The following RPL37 variants were observed in gnomAD, a reference collection of about 807,000 sequenced individuals.
RPL37 encodes large ribosomal subunit protein eL37.
RPL37 carries 1 observed loss-of-function variant against 14.8 expected under a neutral mutation model. The observed-to-expected ratio is 0.07, with a 90% confidence interval of 0.02 to 0.32. The LOEUF is 0.32. RPL37 is among the 10% of genes least tolerant of loss of function. RPL37 has a pLI of 1.00. For missense variants in RPL37, 100 were observed against 128.3 expected, an observed-to-expected ratio of 0.78 and a Z score of 1.06; for synonymous variants, 53 against 45.8, an observed-to-expected ratio of 1.16 and a Z score of -0.63.
At position 40,828,489 on chromosome 5, in the gene RPL37, A is replaced by G. The variant is rs1010149800; in HGVS notation, c.*4015T>C. 2.0e-5 allele frequency: 3 copies of G among 152,176 alleles called. No homozygotes were observed. Among genetic ancestry groups the G allele is most frequent in the African/African-American group, 7.2e-5 (3 of 41,442 alleles). 9.4% of individuals were successfully genotyped at this position (152,176 alleles called of 1,614,324 possible). On this transcript the variant is annotated 3_prime_UTR_variant, in exon 4 of 4. Coordinates refer to ENST00000274242, the MANE Select transcript of RPL37 (RefSeq NM_000997.5). The stretch of plus-strand genomic sequence containing the variant: ...ACCATTTAGTCAATAAAAGGGAACC[A>G]CAGAATAGGTAAACTTCCAAAAGTA...
At chr5:40,834,690 A>G in intron 1 of RPL37, 84 bp from the exon 2 acceptor site, 1 of 1,449,066 alleles carries the variant, frequency 6.9e-7, no homozygotes, top group Non-Finnish European at 9.3e-7. Context: ...TTACTGATAA[A>G]ATTTAAAGGC....
chr5:40,829,314 T>C lies in RPL37; in HGVS notation c.*3190A>G, dbSNP rs1448860407. On this transcript the variant is annotated 3_prime_UTR_variant, in exon 4 of 4. Coordinates refer to ENST00000274242, the MANE Select transcript of RPL37 (RefSeq NM_000997.5). The stretch of plus-strand genomic sequence containing the variant: ...CACACTAACACTTTCCACATTCATC[T>C]TGCTAGAATAACTATTCCTAACATT... 2.0e-5 allele frequency: 3 copies of C among 152,236 alleles called. No homozygotes were observed. The highest frequency in any genetic ancestry group is 7.2e-5 in the African/African-American group (3 of 41,460). 9.4% of individuals were successfully genotyped at this position (152,236 alleles called of 1,614,324 possible).
At position 40,829,685 on chromosome 5, in the gene RPL37, A is replaced by G. The variant is rs1328622337; in HGVS notation, c.*2819T>C. On this transcript the variant is annotated 3_prime_UTR_variant, in exon 4 of 4. Coordinates refer to ENST00000274242, the MANE Select transcript of RPL37 (RefSeq NM_000997.5). ...AGTGTGTGTGTGTGTGTGTATATAT[A>G]TATATATATATATCAACAATATATA... is the stretch of plus-strand genomic sequence containing the variant. 5 of 151,674 alleles carry G rather than the reference A, an allele frequency of 3.3e-5. No individual in the cohort carries two copies. Among genetic ancestry groups the G allele is most frequent in the African/African-American group, 4.8e-5 (2 of 41,260 alleles). 9.4% of individuals were successfully genotyped at this position (151,674 alleles called of 1,614,324 possible). A position where few individuals can be genotyped will look rare whatever the true frequency, so the allele number is the denominator to read the frequency against.
At position 40,834,228 on chromosome 5, in the gene RPL37, G is replaced by A. The variant is rs757839130; in HGVS notation, c.177C>T (p.Thr59=). ...TTAGGTGCCTCATTCGACCAGTTCCGGTGGTATTTCGTCTTTTAGCCTTGG... is the reference window on the plus strand; with the variant it reads ...TTAGGTGCCTCATTCGACCAGTTCCAGTGGTATTTCGTCTTTTAGCCTTGG... ...WSAKAKRRNT[T]GTGRMRHLKI... The change falls in exon 3 of 4, where the codon ACC becomes ACT. Residue 59 remains threonine (T), a synonymous_variant. Coordinates refer to ENST00000274242, the MANE Select transcript of RPL37 (RefSeq NM_000997.5). 1.2e-6 allele frequency: 2 copies of A among 1,614,022 alleles called. No individual in the cohort carries two copies. The highest frequency in any genetic ancestry group is 1.7e-5 in the Admixed American group (1 of 60,016).
Position 40,835,166 on chromosome 5 carries a change from C to G in RPL37, c.3+17G>C. On this transcript the variant is annotated intron_variant, in intron 1 of 3. Transcript: ENST00000274242. ...GAGGATGGAACGCGATTCACAAACA[C>G]CACAGTCACAACTCACCATCTCGCT... 6.2e-7 allele frequency: 1 copy of G among 1,614,124 alleles called. No homozygotes were observed. Among genetic ancestry groups the G allele is most frequent in the Non-Finnish European group, 8.5e-7 (1 of 1,180,024 alleles).
In RPL37 at chr5:40,835,166, CCA is replaced by C. The variant is rs760010130; in HGVS notation, c.3+15_3+16del. ...GAGGATGGAACGCGATTCACAAACA[CCA>C]CAGTCACAACTCACCATCTCGCTTC... is the stretch of plus-strand genomic sequence containing the variant. On this transcript the variant is annotated intron_variant, in intron 1 of 3. Transcript: ENST00000274242. The C allele has an allele frequency of 1.7e-5, 27 of 1,614,006 alleles. No individual in the cohort carries two copies. The African/African-American group carries it at 2.9e-4, about 18-fold the overall frequency.
Position 40,832,167 on chromosome 5 carries a change from C to T in RPL37, c.*337G>A, listed in dbSNP as rs1745654408. 1 of 272,416 alleles carries T rather than the reference C, an allele frequency of 3.7e-6. No individual in the cohort carries two copies. The highest frequency in any genetic ancestry group is 4.5e-5 in the Admixed American group (1 of 22,134). The allele number at this position is 272,416 out of a possible 1,614,324, so 16.9% of individuals were successfully genotyped here. ...TGCTAAAGGTAATTTAAACATCATA[C>T]TCTTTCAAATTTACTCAAACATCTA... On this transcript the variant is annotated 3_prime_UTR_variant, in exon 4 of 4. Coordinates refer to ENST00000274242, the MANE Select transcript of RPL37 (RefSeq NM_000997.5).
chr5:40,834,189 G>T lies in RPL37; in HGVS notation c.216C>A (p.Arg72=). The change falls in exon 3 of 4, where the codon CGC becomes CGA. Residue 72 remains arginine (R), a synonymous_variant. Transcript: ENST00000274242. Reference sequence around the variant, plus strand: ...GAACATACAAACTGTACCTGAATCTGCGGTATACAATTTTTAGGTGCCTCA... The same window carrying T: ...GAACATACAAACTGTACCTGAATCTTCGGTATACAATTTTTAGGTGCCTCA... ...GRMRHLKIVY[R]RFRHGFREGT... 6.2e-7 allele frequency: 1 copy of T among 1,611,928 alleles called. No individual in the cohort carries two copies. The highest frequency in any genetic ancestry group is 8.5e-7 in the Non-Finnish European group (1 of 1,178,012).
rs1554036175 is a variant in RPL37 at position 40,830,479 on chromosome 5, A to AT, written c.*2024dup. The AT allele has an allele frequency of 6.7e-6, 1 of 150,138 alleles. No individual in the cohort carries two copies. The highest frequency in any genetic ancestry group is 6.7e-5 in the Admixed American group (1 of 14,970). The allele number at this position is 150,138 out of a possible 1,614,324, so 9.3% of individuals were successfully genotyped here. On this transcript the variant is annotated 3_prime_UTR_variant, in exon 4 of 4. Coordinates refer to ENST00000274242, the MANE Select transcript of RPL37 (RefSeq NM_000997.5). The stretch of plus-strand genomic sequence containing the variant: ...ACTGCTTATTTTGTTTCATTTGAAA[A>AT]TTTGAGTCATTAGTTCAAGGATTTT...
rs1352641537 is a variant in RPL37 at position 40,825,485 on chromosome 5, T to G, written c.*7019A>C. On this transcript the variant is annotated 3_prime_UTR_variant, in exon 4 of 4. Coordinates refer to ENST00000274242, the MANE Select transcript of RPL37 (RefSeq NM_000997.5). ...AGGTTTCTCTCTCTAGAGCAATCCC[T>G]AATAGGACAATTGTTCACTCTGAGG... The G allele has an allele frequency of 1.3e-5, 2 of 152,212 alleles. No individual in the cohort carries two copies. The highest frequency in any genetic ancestry group is 4.8e-5 in the African/African-American group (2 of 41,434). The allele number at this position is 152,212 out of a possible 1,614,324, so 9.4% of individuals were successfully genotyped here. A position where few individuals can be genotyped will look rare whatever the true frequency, so the allele number is the denominator to read the frequency against.
In RPL37 at chr5:40,831,604, G is replaced by A. The variant is rs1286591334; in HGVS notation, c.*900C>T. The stretch of plus-strand genomic sequence containing the variant: ...TTATGTAGCTGTTCCAGCAATTCAT[G>A]TTCCCTTCAACTGCCCCTGCCCTCT... On this transcript the variant is annotated 3_prime_UTR_variant, in exon 4 of 4. Coordinates refer to ENST00000274242, the MANE Select transcript of RPL37 (RefSeq NM_000997.5). 1.3e-5 allele frequency: 2 copies of A among 152,216 alleles called. No homozygotes were observed. The highest frequency in any genetic ancestry group is 4.8e-5 in the African/African-American group (2 of 41,404). The allele number at this position is 152,216 out of a possible 1,614,324, so 9.4% of individuals were successfully genotyped here.
In RPL37 at chr5:40,825,936, C is replaced by T. The variant is rs924706964; in HGVS notation, c.*6568G>A. 1 of 152,106 alleles carries T rather than the reference C, an allele frequency of 6.6e-6. No homozygotes were observed. Among genetic ancestry groups the T allele is most frequent in the African/African-American group, 2.4e-5 (1 of 41,342 alleles). 9.4% of individuals were successfully genotyped at this position (152,106 alleles called of 1,614,324 possible). ...GGCCAGGCTGGTCTCAAACTCCTGA[C>T]CTCAGGTGATCTACCCGCCTCAGAG... On this transcript the variant is annotated 3_prime_UTR_variant, in exon 4 of 4. Coordinates refer to ENST00000274242, the MANE Select transcript of RPL37 (RefSeq NM_000997.5).
intron 3 of RPL37, 145 bp downstream of exon 3, chr5:40,834,036 C>T (rs886072034): frequency 6.1e-6 from 4 of 652,230 alleles, no homozygotes; most frequent in Non-Finnish European, 1.1e-5. Context: ...CATAGTGAAA[C>T]CCTGCCTCAA....
Position 40,827,803 on chromosome 5 carries a change from C to T in RPL37, c.*4701G>A, listed in dbSNP as rs1233577425. On this transcript the variant is annotated 3_prime_UTR_variant, in exon 4 of 4. Coordinates refer to ENST00000274242, the MANE Select transcript of RPL37 (RefSeq NM_000997.5). Reference sequence around the variant, plus strand: ...CTCAGCTCACTGCAACCTCTGCCCCCCAGGCTCAAGCGATTCTCTCGCCTC... The same window carrying T: ...CTCAGCTCACTGCAACCTCTGCCCCTCAGGCTCAAGCGATTCTCTCGCCTC... The T allele has an allele frequency of 1.3e-5, 2 of 152,056 alleles. No individual in the cohort carries two copies. The highest frequency in any genetic ancestry group is 2.9e-5 in the Non-Finnish European group (2 of 68,048). 9.4% of individuals were successfully genotyped at this position (152,056 alleles called of 1,614,324 possible).
rs768011704 is a variant in RPL37, at chr5:40,834,234, A to C, written c.171T>G (p.Asn57Lys). The C allele has an allele frequency of 6.2e-7, 1 of 1,614,138 alleles. No individual in the cohort carries two copies. Among genetic ancestry groups the C allele is most frequent in the South Asian group, 1.1e-5 (1 of 91,082 alleles). ...GCCTCATTCGACCAGTTCCGGTGGT[A>C]TTTCGTCTTTTAGCCTTGGCACTCC... is the stretch of plus-strand genomic sequence containing the variant. ...YNWSAKAKRRNTTGTGRMRHL... is the reference protein window; with the variant it reads ...YNWSAKAKRRKTTGTGRMRHL... Residue 57 changes from asparagine to lysine, a missense_variant, in exon 3 of 4, where the codon AAT becomes AAG. Physicochemically the swap from Asn to Lys is moderately conservative, Grantham distance 94 (BLOSUM62 0). Transcript: ENST00000274242.
At chr5:40,832,777 A>C (rs761644602) in intron 3 of RPL37, 5 of 681,018 alleles carry the variant, frequency 7.3e-6, no homozygotes, top group Non-Finnish European at 1.4e-5. Flanking sequence ...TTTCGGATAT[A>C]GTTAACTGCA....
rs1466363546 is a variant in RPL37 at position 40,832,385 on chromosome 5, C to T, written c.*119G>A. ...AATCTGATATGAAGCTAGCCCAGTC[C>T]CTAAACCTACAGTATTTCACTGATA... On this transcript the variant is annotated 3_prime_UTR_variant, in exon 4 of 4. Coordinates refer to ENST00000274242, the MANE Select transcript of RPL37 (RefSeq NM_000997.5). 5 of 876,352 alleles carry T rather than the reference C, an allele frequency of 5.7e-6. No homozygotes were observed. The highest frequency in any genetic ancestry group is 5.0e-5 in the African/African-American group (3 of 60,566). The allele number at this position is 876,352 out of a possible 1,614,324, so 54.3% of individuals were successfully genotyped here.
rs1179161135 is a variant in RPL37 at position 40,827,941 on chromosome 5, G to A, written c.*4563C>T. On this transcript the variant is annotated 3_prime_UTR_variant, in exon 4 of 4. Coordinates refer to ENST00000274242, the MANE Select transcript of RPL37 (RefSeq NM_000997.5). ...TTGCCCTGTGCTTCTCTTGTATTAT[G>A]ATCCAAACTCCTTTGTTTAAAAAAA... The A allele has an allele frequency of 7.6e-6, 1 of 131,104 alleles. No individual in the cohort carries two copies. The highest frequency in any genetic ancestry group is 2.9e-5 in the African/African-American group (1 of 34,954). 8.1% of individuals were successfully genotyped at this position (131,104 alleles called of 1,614,324 possible).
At chr5:40,834,077 C>G in intron 3 of RPL37, 104 bp downstream of exon 3, 2 of 829,308 alleles carry the variant, frequency 2.4e-6, no homozygotes, top group East Asian at 2.5e-5. Context: ...CTTCCAACAT[C>G]TCATCCCCAG....
Sources: gnomAD v4.1 joint callset for allele counts on GRCh38, gnomAD v4.1.1 for gene constraint, MANE v1.5 for transcripts, NCBI Gene and HGNC (gene_info 2026-07-23, HGNC 2026-07-21) for gene names.